SLC6A17: variants seen among roughly 807,000 people sequenced by gnomAD.
SLC6A17 encodes the protein solute carrier family 6 member 17.
A neutral mutation model predicts 64.5 loss-of-function variants in SLC6A17; 21 were observed. That is an observed-to-expected ratio of 0.33 (90% CI 0.23 to 0.47). SLC6A17 has a LOEUF of 0.47. SLC6A17 is among the 20% of genes least tolerant of loss of function. The pLI is 1.00. For missense variants in SLC6A17, 682 were observed against 963.2 expected (o/e 0.71, Z 3.86); for synonymous variants, 372 against 399.5 (o/e 0.93, Z 0.82).
Position 110,174,113 on chromosome 1 carries a change from C to T in SLC6A17, c.571+14C>T, listed in dbSNP as rs1171024397. ...GGAGCGTGGCAGGCAAGTATGGGGCCCAGCTGGGGATGCCAGCCAGCCCTG... is the reference window on the plus strand; with the variant it reads ...GGAGCGTGGCAGGCAAGTATGGGGCTCAGCTGGGGATGCCAGCCAGCCCTG... On this transcript the variant is annotated intron_variant, in intron 4 of 11. Transcript: ENST00000331565. The T allele has an allele frequency of 6.2e-7, 1 of 1,613,244 alleles. No individual in the cohort carries two copies. Among genetic ancestry groups the T allele is most frequent in the Non-Finnish European group, 8.5e-7 (1 of 1,179,676 alleles).
chr1:110,183,979 C>T (rs1489159469), intron 6 of SLC6A17, among the ~76,000 whole-genome samples: 1 of 150,566 alleles, frequency 6.6e-6, no homozygotes, highest in Non-Finnish European at 1.5e-5. Context: ...CAGGAGTGTG[C>T]AGTGGACTCT....
intron 1 of SLC6A17, among the ~76,000 whole-genome samples, chr1:110,157,945 C>T (rs1266472203): frequency 1.3e-5 from 2 of 152,222 alleles, no homozygotes; most frequent in African/African-American, 4.8e-5. Flanking sequence ...TCGGAGCATA[C>T]GTCCTTACCC....
chr1:110,185,537 G>T (rs1656662573), intron 6 of SLC6A17, among the ~76,000 whole-genome samples: 1 of 152,248 alleles, frequency 6.6e-6, no homozygotes, highest in African/African-American at 2.4e-5. Flanking sequence ...TTGTTTCCCT[G>T]AGTGAGGAAG....
chr1:110,192,058 T>A lies in SLC6A17; in HGVS notation c.951T>A (p.Ile317=). The A allele has an allele frequency of 6.2e-7, 1 of 1,614,208 alleles. No homozygotes were observed. The highest frequency in any genetic ancestry group is 1.1e-5 in the South Asian group (1 of 91,080). ...FALGLGFGGV[I]AFSSYNKQDN... ...TGGGCCTGGGCTTTGGTGGTGTCAT[T>A]GCCTTCTCCAGCTACAATAAGCAGG... Residue 317 remains isoleucine, a synonymous_variant, in exon 7 of 12, where the codon ATT becomes ATA. Transcript: ENST00000331565. The surrounding 1 kb of genome is among the most constrained non-coding windows in gnomAD (Gnocchi z 4.3).
rs1300846057 is a variant in SLC6A17, at chr1:110,192,434, G to A, written c.1107-72G>A. 13 of 1,531,956 alleles carry A rather than the reference G, an allele frequency of 8.5e-6. No homozygotes were observed. Among genetic ancestry groups the A allele is most frequent in the African/African-American group, 2.8e-5 (2 of 72,684 alleles). 94.9% of individuals were successfully genotyped at this position (1,531,956 alleles called of 1,614,324 possible). On this transcript the variant is annotated intron_variant, in intron 7 of 11. Coordinates refer to ENST00000331565, the MANE Select transcript of SLC6A17 (RefSeq NM_001010898.4). This position sits in a 1 kb window ranked among gnomAD's most constrained non-coding sequence, Gnocchi z 4.3. ...ATGAGGTTCCCACCTGGGTGCCTGGGAAGAGCCTCCAGGATCTCACCCATT... is the reference window on the plus strand; with the variant it reads ...ATGAGGTTCCCACCTGGGTGCCTGGAAAGAGCCTCCAGGATCTCACCCATT...
intron 11 of SLC6A17, 27 bp from the exon 12 acceptor site, chr1:110,198,049 G>A (rs1356262677): frequency 1.3e-6 from 2 of 1,585,484 alleles, no homozygotes; most frequent in South Asian, 2.3e-5. Flanking sequence ...AGTGCCGGCA[G>A]CAGCCCTTAA....
intron 1 of SLC6A17, 158 bp from the exon 2 acceptor site, chr1:110,166,685 C>T (rs565371520): frequency 5.1e-5 from 21 of 413,388 alleles, no homozygotes; most frequent in African/African-American, 2.0e-4. Flanking sequence ...AGCTCCTCAC[C>T]GGGCAGCCCC....
intron 2 of SLC6A17, among the ~76,000 whole-genome samples, chr1:110,169,532 G>A (rs1010891): frequency 0.48 from 72,872 of 151,894 alleles, 17,950 homozygotes; most frequent in Non-Finnish European, 0.53. Flanking sequence ...GTCTGACTTC[G>A]GGACCTGGCT....
At chr1:110,159,304 A>G (rs6661246) in intron 1 of SLC6A17, among the ~76,000 whole-genome samples, 68,442 of 152,052 alleles carry the variant, frequency 0.45, 16,318 homozygotes, top group Non-Finnish European at 0.54. Context: ...CCTTGTTTAC[A>G]TGCACACAGA....
chr1:110,165,315 G>A (rs1406764753), intron 1 of SLC6A17, among the ~76,000 whole-genome samples: 1 of 152,120 alleles, frequency 6.6e-6, no homozygotes, highest in African/African-American at 2.4e-5. Context: ...CCACCCGTGG[G>A]GCACCTTTTA....
At position 110,192,570 on chromosome 1, in the gene SLC6A17, C is replaced by T; in HGVS notation, c.1171C>T (p.His391Tyr). The change falls in exon 8 of 12, where the codon CAC (histidine) becomes TAC (tyrosine). Residue 391 changes from histidine to tyrosine, a missense_variant. His to Tyr is a moderately conservative substitution (Grantham distance 83). This residue lies in a region of SLC6A17 where 415 missense variants were observed against 603.8 expected (regional missense o/e 0.69). Coordinates refer to ENST00000331565, the MANE Select transcript of SLC6A17 (RefSeq NM_001010898.4). The surrounding 1 kb of genome is among the most constrained non-coding windows in gnomAD (Gnocchi z 4.3). ...NVLSRDLIPP[H>Y]VNFSHLTTKD... Reference sequence around the variant, plus strand: ...CCTGAGCCGGGACCTCATCCCACCCCACGTCAACTTCTCCCACCTGACCAC... The same window carrying T: ...CCTGAGCCGGGACCTCATCCCACCCTACGTCAACTTCTCCCACCTGACCAC... The T allele has an allele frequency of 6.2e-7, 1 of 1,614,200 alleles. No homozygotes were observed. Among genetic ancestry groups the T allele is most frequent in the Non-Finnish European group, 8.5e-7 (1 of 1,180,028 alleles).
chr1:110,172,100 C>T lies in SLC6A17; in HGVS notation c.327C>T (p.Ile109=), dbSNP rs769011511. The T allele has an allele frequency of 2.4e-5, 39 of 1,614,010 alleles. No homozygotes were observed. Among genetic ancestry groups the T allele is most frequent in the African/African-American group, 6.7e-5 (5 of 74,910 alleles). ...CCTACCTGGTGCTGCTGATCATCAT[C>T]GGGATCCCCCTCTTCTTCCTGGAGC... ...LVPYLVLLII[I]GIPLFFLELA... The change falls in exon 3 of 12, where the codon ATC becomes ATT. Residue 109 remains isoleucine, a synonymous_variant. Transcript: ENST00000331565.
At chr1:110,166,765 T>G in intron 1 of SLC6A17, 78 bp from the exon 2 acceptor site, 5 of 813,280 alleles carry the variant, frequency 6.1e-6, no homozygotes, top group Non-Finnish European at 7.4e-6. Flanking sequence ...GGGGAGTTAA[T>G]TTGGGTTGTG....
At chr1:110,171,952 C>T (rs1656236085) in intron 2 of SLC6A17, 108 bp from the exon 3 acceptor site, 12 of 1,422,628 alleles carry the variant, frequency 8.4e-6, no homozygotes, top group Middle Eastern at 1.9e-4. Flanking sequence ...TGACAATTTG[C>T]GGATGACCAG....
chr1:110,194,355 C>G (rs566571382), intron 8 of SLC6A17, among the ~76,000 whole-genome samples: 1 of 152,354 alleles, frequency 6.6e-6, no homozygotes, highest in East Asian at 1.9e-4. Flanking sequence ...CCAGGTCCCA[C>G]AGGTGAACTC....
rs1267846043 is a variant in SLC6A17, at chr1:110,198,176, G to A, written c.1916G>A (p.Arg639Gln). The A allele has an allele frequency of 2.5e-6, 4 of 1,613,928 alleles. No individual in the cohort carries two copies. The highest frequency in any genetic ancestry group is 1.3e-5 in the African/African-American group (1 of 74,914). ...CCCATCCCTGTGGTGTTCGTCCTGC[G>A]GCACTTCCACCTGCTCTCTGATGGC... ...TLPIPVVFVL[R>Q]HFHLLSDGSN... is the part of the protein sequence containing the mutation. Residue 639 changes from arginine to glutamine, a missense_variant, in exon 12 of 12, where the codon CGG (arginine) becomes CAG (glutamine). Transcript: ENST00000331565.
chr1:110,162,127 C>A (rs1161901728), intron 1 of SLC6A17, among the ~76,000 whole-genome samples: 1 of 152,240 alleles, frequency 6.6e-6, no homozygotes, highest in African/African-American at 2.4e-5. Context: ...TCAGAGAGTA[C>A]CTTGCAGCTT....
chr1:110,195,903 AG>A (rs1656955235), intron 10 of SLC6A17, among the ~76,000 whole-genome samples, 158 bp downstream of exon 10: 1 of 152,192 alleles, frequency 6.6e-6, no homozygotes, highest in Non-Finnish European at 1.5e-5. Context: ...TGGCTGCCTA[AG>A]GCCACTTGTC....
chr1:110,152,694 G>T (rs1240161070), intron 1 of SLC6A17, among the ~76,000 whole-genome samples: 2 of 152,208 alleles, frequency 1.3e-5, no homozygotes, highest in African/African-American at 4.8e-5. Context: ...CCATGTGCCA[G>T]TGGGGTGACC....
Sources: gnomAD v4.1 joint callset for allele counts (sites outside exome capture counted in the v4.1 genomes callset) on GRCh38, gnomAD v4.1.1 for gene constraint, gnomAD v4.1.1 regional missense constraint, Gnocchi (gnomAD v3.1) non-coding constraint, MANE v1.5 for transcripts, NCBI Gene and HGNC (gene_info 2026-07-23, HGNC 2026-07-21) for gene names.